Variants in ADGRB3 observed in about 807,000 individuals in gnomAD.
ADGRB3 encodes adhesion G protein-coupled receptor B3.
A neutral mutation model predicts 193.4 loss-of-function variants in ADGRB3; 37 were observed. The observed-to-expected ratio is 0.19, with a 90% CI of 0.15 to 0.25. ADGRB3 has a LOEUF of 0.25. ADGRB3 is among the 10% of genes least tolerant of loss of function. ADGRB3 has a pLI of 1.00. For missense variants in ADGRB3, 1,637 were observed against 1,852.9 expected (o/e 0.88, Z 2.14); for synonymous variants, 690 against 644.2 (o/e 1.07, Z -1.08).
chr6:68,656,918 T>C (rs1768503095), intron 3 of ADGRB3, among the ~76,000 whole-genome samples: 1 of 151,580 alleles, frequency 6.6e-6, no homozygotes, highest in Admixed American at 6.6e-5. Flanking sequence ...CCAAAAGCAA[T>C]ATTAAGATTA....
chr6:69,008,064 T>G (rs1769817805), intron 11 of ADGRB3, among the ~76,000 whole-genome samples: 1 of 152,174 alleles, frequency 6.6e-6, no homozygotes, highest in Non-Finnish European at 1.5e-5. Flanking sequence ...TAATTCCATT[T>G]GCAAGAGAGG....
chr6:68,802,584 AGT>A (rs1339585477), intron 3 of ADGRB3, among the ~76,000 whole-genome samples: 2 of 152,180 alleles, frequency 1.3e-5, no homozygotes, highest in African/African-American at 4.8e-5. Flanking sequence ...CAAACTTCAA[AGT>A]GTATGTGTTT....
intron 3 of ADGRB3, among the ~76,000 whole-genome samples, chr6:68,672,824 G>C (rs891954812): frequency 6.6e-6 from 1 of 151,978 alleles, no homozygotes; most frequent in Non-Finnish European, 1.5e-5. Flanking sequence ...CCATAATATG[G>C]GTAGGCATCA....
chr6:69,162,053 A>T (rs1014781442), intron 17 of ADGRB3, among the ~76,000 whole-genome samples: 1 of 152,082 alleles, frequency 6.6e-6, no homozygotes, highest in East Asian at 1.9e-4. Context: ...GTTCGATAAG[A>T]TGTGAATACC....
rs1222855233 is a variant in ADGRB3, at chr6:68,975,287, C to G, written c.1681C>G (p.Gln561Glu). The part of the protein sequence containing the change: ...LSLHGVAFWE[Q>E]PSFARCISNE... Reference sequence around the variant, plus strand: ...TCTTCATGGAGTGGCCTTCTGGGAACAGCCGAGCTTTGCAAGATGCATATC... The same window carrying G: ...TCTTCATGGAGTGGCCTTCTGGGAAGAGCCGAGCTTTGCAAGATGCATATC... Residue 561 changes from glutamine (Q) to glutamate (E), a missense_variant, in exon 10 of 32, where the codon CAG becomes GAG. Transcript: ENST00000370598. The G allele has an allele frequency of 3.1e-6, 5 of 1,613,970 alleles. No homozygotes were observed. Among genetic ancestry groups the G allele is most frequent in the Non-Finnish European group, 4.2e-6 (5 of 1,179,966 alleles).
intron 30 of ADGRB3, among the ~76,000 whole-genome samples, chr6:69,374,089 A>G (rs1045860829): frequency 6.6e-6 from 1 of 152,148 alleles, no homozygotes; most frequent in South Asian, 2.1e-4. Flanking sequence ...AACCCCGGAC[A>G]TGTCTTTAGC....
intron 10 of ADGRB3, 27 bp from the exon 11 acceptor site, chr6:68,993,741 T>C: frequency 5.0e-6 from 8 of 1,591,756 alleles, no homozygotes; most frequent in Non-Finnish European, 6.0e-6. Flanking sequence ...GATTCTGATG[T>C]TTGCTCTGTT....
chr6:68,981,849 T>G (rs551692140), intron 10 of ADGRB3, among the ~76,000 whole-genome samples: 5 of 74,936 alleles, frequency 6.7e-5, no homozygotes, highest in African/African-American at 3.0e-4. Flanking sequence ...TATTTTGTTA[T>G]TTATTTATTT....
chr6:68,851,145 C>A (rs535369311), intron 3 of ADGRB3, among the ~76,000 whole-genome samples: 32 of 151,950 alleles, frequency 2.1e-4, no homozygotes, highest in African/African-American at 6.7e-4. Flanking sequence ...ACGTGTTTAG[C>A]CTCTTCCTAC....
intron 17 of ADGRB3, among the ~76,000 whole-genome samples, chr6:69,117,434 G>A (rs1773566292): frequency 6.6e-6 from 1 of 152,034 alleles, no homozygotes. Flanking sequence ...AGGCTATCAG[G>A]CATACATTAA....
chr6:69,047,498 TTC>T (rs1306744377), intron 13 of ADGRB3, among the ~76,000 whole-genome samples: 1 of 151,372 alleles, frequency 6.6e-6, no homozygotes, highest in African/African-American at 2.4e-5. Flanking sequence ...AAGGACACAA[TTC>T]TCTGTTTATA....
At chr6:69,375,453 G>GAAAGGGTGAGGGAGCAGAAAA (rs1582665558) in intron 30 of ADGRB3, among the ~76,000 whole-genome samples, 1 of 152,046 alleles carries the variant, frequency 6.6e-6, no homozygotes, top group East Asian at 1.9e-4. Flanking sequence ...AACATAGGGT[G>GAAAGGGTGAGGGAGCAGAAAA]AAAGGGTGAG....
chr6:69,232,589 A>C, intron 17 of ADGRB3: 3 of 1,535,694 alleles, frequency 2.0e-6, no homozygotes, highest in Non-Finnish European at 2.6e-6. Flanking sequence ...AGGACGTCAG[A>C]GGCGAGCTGG....
intron 17 of ADGRB3, among the ~76,000 whole-genome samples, chr6:69,220,034 T>G (rs1765859742): frequency 6.6e-6 from 1 of 152,038 alleles, no homozygotes; most frequent in Non-Finnish European, 1.5e-5. Flanking sequence ...CCACAGGAAT[T>G]TTTCTCATGA....
At position 68,661,529 on chromosome 6, in the gene ADGRB3, A is replaced by G. The variant is rs543174547; in HGVS notation, c.757+22097A>G. Among the ~76,000 whole-genome samples, 21 of 36,248 alleles carry G rather than the reference A, an allele frequency of 5.8e-4. 1 individual carries two copies. The highest frequency in any genetic ancestry group is 1.9e-3 in the Admixed American group (5 of 2,656). The allele number at this position is 36,248 out of a possible 152,430, so 23.8% of individuals were successfully genotyped here. A position where few individuals can be genotyped will look rare whatever the true frequency, so the allele number is the denominator to read the frequency against. ...TATATATGTGTGTATACATATATAT[A>G]TGTGTATACATATATATATATATAT... On this transcript the variant is annotated intron_variant, in intron 3 of 31. Transcript: ENST00000370598.
chr6:68,833,640 A>G (rs1385440070), intron 3 of ADGRB3, among the ~76,000 whole-genome samples: 1 of 151,520 alleles, frequency 6.6e-6, no homozygotes, highest in Non-Finnish European at 1.5e-5. Flanking sequence ...TCAGTAAACC[A>G]ATTAGCTACA....
intron 17 of ADGRB3, among the ~76,000 whole-genome samples, chr6:69,221,034 G>A (rs1176832899): frequency 6.6e-6 from 1 of 151,902 alleles, no homozygotes; most frequent in Non-Finnish European, 1.5e-5. Context: ...TGAGCAAAGG[G>A]ACTATGTTTA....
At chr6:68,956,235 G>T (rs777783793) in intron 7 of ADGRB3, 47 bp downstream of exon 7, 1 of 1,533,620 alleles carries the variant, frequency 6.5e-7, no homozygotes, top group South Asian at 1.3e-5. Context: ...CCATGTAAAG[G>T]GCACATTATA....
chr6:69,106,084 G>A (rs1438855710), intron 17 of ADGRB3, among the ~76,000 whole-genome samples: 2 of 147,054 alleles, frequency 1.4e-5, no homozygotes, highest in African/African-American at 5.0e-5. Context: ...GCTTAAACCC[G>A]GGAGGCAGAG....
Sources: gnomAD v4.1 joint callset for allele counts (sites outside exome capture counted in the v4.1 genomes callset) on GRCh38, gnomAD v4.1.1 for gene constraint, MANE v1.5 for transcripts, NCBI Gene and HGNC (gene_info 2026-07-23, HGNC 2026-07-21) for gene names.